Variants in GJC1 observed in about 807,000 individuals in gnomAD.
GJC1 encodes the protein gap junction protein gamma 1.
A neutral mutation model predicts 29.3 loss-of-function variants in GJC1; 5 were observed. The ratio of observed to expected loss-of-function variants is 0.17; its 90% CI spans 0.09 to 0.36. GJC1 has a LOEUF of 0.36. GJC1 is among the 10% of genes least tolerant of loss of function. GJC1 has a pLI of 1.00. For missense variants in GJC1, 310 were observed against 496.2 expected (o/e 0.62, Z 3.56); for synonymous variants, 177 against 183.3 (o/e 0.97, Z 0.28).
chr17:44,820,734 C>G (rs1407320527), intron 1 of GJC1, among the ~76,000 whole-genome samples: 2 of 152,140 alleles, frequency 1.3e-5, no homozygotes, highest in African/African-American at 2.4e-5. Context: ...GTGACTCATA[C>G]CCCTGAACGC....
At chr17:44,822,196 C>CAAAAA (rs59152296) in intron 1 of GJC1, among the ~76,000 whole-genome samples, 3 of 47,564 alleles carry the variant, frequency 6.3e-5, no homozygotes, top group South Asian at 8.2e-4. Flanking sequence ...GACTCCGTCT[C>CAAAAA]AAAAAAAAAA....
In GJC1 at chr17:44,814,944, G is replaced by GA. The variant is rs1285267411; in HGVS notation, c.-96-7476dup. Among the ~76,000 whole-genome samples, 509 of 139,634 alleles carry GA rather than the reference G, an allele frequency of 3.6e-3. 1 individual carries two copies. The highest frequency in any genetic ancestry group is 7.3e-3 in the Middle Eastern group (2 of 274). 91.6% of individuals were successfully genotyped at this position (139,634 alleles called of 152,430 possible). On this transcript the variant is annotated intron_variant, in intron 1 of 2. Coordinates refer to ENST00000592524, the MANE Select transcript of GJC1 (RefSeq NM_005497.4). ...GTGAAAGAGCAAGACTCAGTCTTAG[G>GA]AAAAAAAAAAAAAATTTCAGGACAT...
chr17:44,824,808 T>TAAA (rs11462802), intron 1 of GJC1, among the ~76,000 whole-genome samples: 2 of 95,998 alleles, frequency 2.1e-5, no homozygotes, highest in East Asian at 2.9e-4. Flanking sequence ...AAGACTGTCT[T>TAAA]AAAAAAAAAA....
In GJC1 at chr17:44,799,851, C is replaced by T. The variant is rs922288372; in HGVS notation, c.*4776G>A. 2.6e-5 allele frequency: 4 copies of T among 152,150 alleles called. No individual in the cohort carries two copies. In the East Asian group the frequency reaches 7.7e-4, roughly 29 times the overall value. 9.4% of individuals were successfully genotyped at this position (152,150 alleles called of 1,614,324 possible). A position where few individuals can be genotyped will look rare whatever the true frequency, so the allele number is the denominator to read the frequency against. On this transcript the variant is annotated 3_prime_UTR_variant, in exon 3 of 3. Transcript: ENST00000592524. ...GGAGGACTGCTTGAGCCAAGGAGGT[C>T]CAGGCTGTAGTGAGTTGAGATTGTG... is the stretch of plus-strand genomic sequence containing the variant.
intron 1 of GJC1, among the ~76,000 whole-genome samples, chr17:44,828,810 G>T: frequency 6.6e-6 from 1 of 151,652 alleles, no homozygotes. Flanking sequence ...AAATTTTTTT[G>T]CTCTTTTACT....
upstream of GJC1, chr17:44,830,288 G>A (rs992101970): frequency 1.3e-5 from 2 of 153,384 alleles, no homozygotes; most frequent in Admixed American, 6.6e-5. This position sits in a 1 kb window ranked among gnomAD's most constrained non-coding sequence, Gnocchi z 4.3. Context: ...GCGGGAAGGC[G>A]CCTGCGCACT....
intron 1 of GJC1, among the ~76,000 whole-genome samples, chr17:44,816,663 G>T (rs1404932807): frequency 6.6e-6 from 1 of 151,806 alleles, no homozygotes; most frequent in Non-Finnish European, 1.5e-5. Flanking sequence ...TCGCCACCAG[G>T]CCTGGCTAAT....
chr17:44,825,837 G>A (rs1476019963), intron 1 of GJC1, among the ~76,000 whole-genome samples: 1 of 151,494 alleles, frequency 6.6e-6, no homozygotes, highest in Non-Finnish European at 1.5e-5. Context: ...TGTCCAAATT[G>A]TGCTTGTATT....
At chr17:44,826,967 A>C (rs1419813619) in intron 1 of GJC1, among the ~76,000 whole-genome samples, 1 of 152,212 alleles carries the variant, frequency 6.6e-6, no homozygotes, top group Non-Finnish European at 1.5e-5. Flanking sequence ...TAACGATATC[A>C]GCCAAAATCT....
intron 1 of GJC1, among the ~76,000 whole-genome samples, chr17:44,817,493 C>A (rs948060355): frequency 1.3e-5 from 2 of 151,500 alleles, no homozygotes; most frequent in Non-Finnish European, 2.9e-5. Flanking sequence ...GGCGGATCAC[C>A]TGAAGTCAGG....
At chr17:44,825,166 G>C (rs979463422) in intron 1 of GJC1, among the ~76,000 whole-genome samples, 2 of 89,542 alleles carry the variant, frequency 2.2e-5, no homozygotes, top group Non-Finnish European at 4.0e-5. Context: ...CTGGGCTACA[G>C]AACAAGACTC....
rs572474250 is a variant in GJC1, at chr17:44,801,054, T to A, written c.*3573A>T. 2.6e-5 allele frequency: 4 copies of A among 151,786 alleles called. 1 individual carries two copies. In the East Asian group the frequency reaches 7.7e-4, roughly 29 times the overall value. 9.4% of individuals were successfully genotyped at this position (151,786 alleles called of 1,614,324 possible). Reference sequence around the variant, plus strand: ...ACTTTGGGAAGCTGAGGTGGGCGGATCACGAGGTGAGGAGTTCGAGACCAG... The same window carrying A: ...ACTTTGGGAAGCTGAGGTGGGCGGAACACGAGGTGAGGAGTTCGAGACCAG... On this transcript the variant is annotated 3_prime_UTR_variant, in exon 3 of 3. Coordinates refer to ENST00000592524, the MANE Select transcript of GJC1 (RefSeq NM_005497.4).
intron 1 of GJC1, among the ~76,000 whole-genome samples, chr17:44,815,910 G>A (rs939034147): frequency 5.3e-5 from 8 of 151,854 alleles, no homozygotes; most frequent in Admixed American, 2.6e-4. Context: ...TCAGGAGATC[G>A]AGACCATCCT....
intron 1 of GJC1, among the ~76,000 whole-genome samples, chr17:44,823,556 C>T (rs575969700): frequency 1.0e-3 from 155 of 150,536 alleles, no homozygotes; most frequent in Non-Finnish European, 1.7e-3. Flanking sequence ...AGCCTCTTTC[C>T]TCCTTTTTTT....
At chr17:44,815,334 T>C (rs898109887) in intron 1 of GJC1, among the ~76,000 whole-genome samples, 7 of 152,156 alleles carry the variant, frequency 4.6e-5, no homozygotes, top group Non-Finnish European at 5.9e-5. Flanking sequence ...GATTTATATG[T>C]ACTTTTATAC....
rs957322727 is a variant in GJC1 at position 44,800,666 on chromosome 17, A to G, written c.*3961T>C. 6.6e-6 allele frequency: 1 copy of G among 152,190 alleles called. No individual in the cohort carries two copies. Among genetic ancestry groups the G allele is most frequent in the Admixed American group, 6.5e-5 (1 of 15,278 alleles). 9.4% of individuals were successfully genotyped at this position (152,190 alleles called of 1,614,324 possible). A position where few individuals can be genotyped will look rare whatever the true frequency, so the allele number is the denominator to read the frequency against. On this transcript the variant is annotated 3_prime_UTR_variant, in exon 3 of 3. Transcript: ENST00000592524. ...AAGTCCATTCTTCGTATAAACTGCT[A>G]GAGAGTGTTTCAGACCATCACTGAT...
intron 1 of GJC1, among the ~76,000 whole-genome samples, chr17:44,822,079 C>A (rs895337216): frequency 2.0e-5 from 3 of 151,082 alleles, no homozygotes; most frequent in Admixed American, 6.6e-5. Flanking sequence ...CGCCTGTAGT[C>A]CCAGCTACTT....
intron 1 of GJC1, among the ~76,000 whole-genome samples, chr17:44,814,605 T>C (rs1275652724): frequency 1.3e-5 from 2 of 151,994 alleles, no homozygotes; most frequent in African/African-American, 4.8e-5. Flanking sequence ...TCAGTGCACA[T>C]GTGAGGAAAT....
At chr17:44,822,521 T>C (rs1217305750) in intron 1 of GJC1, among the ~76,000 whole-genome samples, 1 of 151,432 alleles carries the variant, frequency 6.6e-6, no homozygotes, top group African/African-American at 2.4e-5. Flanking sequence ...CAGGCGCCTG[T>C]AATCTCAGCT....
Sources: gnomAD v4.1 joint callset for allele counts (sites outside exome capture counted in the v4.1 genomes callset) on GRCh38, gnomAD v4.1.1 for gene constraint, Gnocchi (gnomAD v3.1) non-coding constraint, MANE v1.5 for transcripts, NCBI Gene and HGNC (gene_info 2026-07-23, HGNC 2026-07-21) for gene names.